ARHGAP10: variants seen among roughly 807,000 people sequenced by gnomAD.
ARHGAP10 encodes rho GTPase-activating protein 10.
In ARHGAP10, 87 loss-of-function variants were observed where a neutral mutation model predicts 108.6. That is an observed-to-expected ratio of 0.80 (90% CI 0.67 to 0.96). ARHGAP10 has a LOEUF of 0.96. Among genes scored for constraint, ARHGAP10 ranks in the 40% least tolerant of loss-of-function variants. The pLI, the probability that ARHGAP10 is intolerant of heterozygous loss-of-function variation, is 0.00. For synonymous variants in ARHGAP10, 347 were observed against 341.1 expected (o/e 1.02, Z -0.19); for missense variants, 939 against 954.5 (o/e 0.98, Z 0.21).
rs1019739605 is a variant in ARHGAP10, at chr4:147,989,535, G to A, written c.1716+22696G>A. 4.6e-5 allele frequency among the ~76,000 whole-genome samples: 7 copies of A among 152,128 alleles called. No individual in the cohort carries two copies. The South Asian group carries it at 6.2e-4, about 14-fold the overall frequency. ...AGTTCAGAGACCTACCCCTAGGTGCGCATTCCCTTTCTCAGGGACGTTCCA... is the reference window on the plus strand; with the variant it reads ...AGTTCAGAGACCTACCCCTAGGTGCACATTCCCTTTCTCAGGGACGTTCCA... On this transcript the variant is annotated intron_variant, in intron 18 of 22. Transcript: ENST00000336498.
At chr4:147,963,640 G>A (rs1295821815) in intron 16 of ARHGAP10, among the ~76,000 whole-genome samples, 1 of 152,220 alleles carries the variant, frequency 6.6e-6, no homozygotes, top group African/African-American at 2.4e-5. Context: ...TTGGAACAAA[G>A]TACTTACTAC....
chr4:147,816,073 A>G (rs1415452769), intron 1 of ARHGAP10, among the ~76,000 whole-genome samples: 1 of 152,172 alleles, frequency 6.6e-6, no homozygotes, highest in Non-Finnish European at 1.5e-5. Flanking sequence ...AAACAGAGGA[A>G]TCTGTGGCCA....
chr4:147,964,868 C>T (rs1739145894), intron 16 of ARHGAP10, among the ~76,000 whole-genome samples, 156 bp from the exon 17 acceptor site: 1 of 152,006 alleles, frequency 6.6e-6, no homozygotes, highest in Admixed American at 6.5e-5. Flanking sequence ...TTCCTTTTAA[C>T]GGTGGCAAAA....
intron 15 of ARHGAP10, among the ~76,000 whole-genome samples, chr4:147,951,815 T>G (rs769671463): frequency 6.6e-6 from 1 of 152,106 alleles, no homozygotes; most frequent in Non-Finnish European, 1.5e-5. Flanking sequence ...ATAAGCTGCA[T>G]ATATTTATAG....
intron 18 of ARHGAP10, among the ~76,000 whole-genome samples, chr4:148,010,029 T>A (rs1286107063): frequency 6.6e-6 from 1 of 152,230 alleles, no homozygotes; most frequent in Non-Finnish European, 1.5e-5. Context: ...AGTTAACTAA[T>A]CAAAACTTAA....
At chr4:147,798,765 CTCTCTCTCTCTCTCTCTATATA>C (rs1444174004) in intron 1 of ARHGAP10, among the ~76,000 whole-genome samples, 12 of 8,806 alleles carry the variant, frequency 1.4e-3, no homozygotes, top group East Asian at 0.011. Flanking sequence ...CTCTCTCTCT[CTCTCTCTCTCTCTCTCTATATA>C]TATATATATA....
intron 20 of ARHGAP10, among the ~76,000 whole-genome samples, chr4:148,047,663 G>A (rs1468566476): frequency 2.0e-5 from 3 of 152,190 alleles, no homozygotes; most frequent in Non-Finnish European, 4.4e-5. Flanking sequence ...CAAGGCTGTG[G>A]AGTAAAGGCA....
intron 1 of ARHGAP10, among the ~76,000 whole-genome samples, chr4:147,740,738 T>C (rs1344845682): frequency 6.6e-6 from 1 of 152,244 alleles, no homozygotes; most frequent in Non-Finnish European, 1.5e-5. Context: ...AGAGTAACTT[T>C]TAACTTATTC....
chr4:148,059,993 A>AGG (rs35032347), intron 20 of ARHGAP10, among the ~76,000 whole-genome samples: 5 of 140,086 alleles, frequency 3.6e-5, no homozygotes, highest in Middle Eastern at 3.3e-3. Context: ...AGAGAGAGAG[A>AGG]GGGGAGAGAG....
At chr4:148,042,134 A>G (rs1340462897) in intron 19 of ARHGAP10, among the ~76,000 whole-genome samples, 1 of 152,084 alleles carries the variant, frequency 6.6e-6, no homozygotes, top group Non-Finnish European at 1.5e-5. Context: ...CTCACCCAGT[A>G]TGCTCCTTGT....
chr4:147,823,853 A>G (rs1001952832), intron 3 of ARHGAP10, among the ~76,000 whole-genome samples: 1 of 152,170 alleles, frequency 6.6e-6, no homozygotes, highest in Non-Finnish European at 1.5e-5. Flanking sequence ...TGAGTGTATG[A>G]TCTCATTTGC....
At chr4:147,798,149 T>TC (rs1731393331) in intron 1 of ARHGAP10, among the ~76,000 whole-genome samples, 1 of 150,926 alleles carries the variant, frequency 6.6e-6, no homozygotes, top group Non-Finnish European at 1.5e-5. Flanking sequence ...TTTTTTTTTT[T>TC]CGTAAGGGAT....
chr4:147,949,619 T>C (rs1738520652), intron 15 of ARHGAP10, among the ~76,000 whole-genome samples: 1 of 149,856 alleles, frequency 6.7e-6, no homozygotes, highest in Admixed American at 6.7e-5. Flanking sequence ...GAAAGCTGTG[T>C]TAGACACATG....
intron 21 of ARHGAP10, among the ~76,000 whole-genome samples, chr4:148,063,818 T>C (rs1300700320): frequency 1.3e-5 from 2 of 152,188 alleles, no homozygotes; most frequent in African/African-American, 4.8e-5. Context: ...GCTAAAAGCA[T>C]GGTTTCCGTC....
intron 18 of ARHGAP10, among the ~76,000 whole-genome samples, chr4:147,971,346 G>A (rs1739398678): frequency 6.6e-6 from 1 of 152,084 alleles, no homozygotes; most frequent in African/African-American, 2.4e-5. Context: ...CATGGTGTGA[G>A]ATTTGGGGGA....
chr4:147,812,059 G>A (rs1732047568), intron 1 of ARHGAP10, among the ~76,000 whole-genome samples: 1 of 152,116 alleles, frequency 6.6e-6, no homozygotes, highest in African/African-American at 2.4e-5. Flanking sequence ...AATGTTTTTC[G>A]ACTGTTCTCT....
At chr4:147,922,672 A>T (rs1737296341) in intron 13 of ARHGAP10, among the ~76,000 whole-genome samples, 1 of 132,098 alleles carries the variant, frequency 7.6e-6, no homozygotes, top group Non-Finnish European at 1.6e-5. Context: ...TGGGCGACAG[A>T]GCGAGACTCC....
rs562056243 is a variant in ARHGAP10, at chr4:148,064,449, G to T, written c.2214G>T (p.Pro738=). 3 of 1,614,036 alleles carry T rather than the reference G, an allele frequency of 1.9e-6. No homozygotes were observed. Among genetic ancestry groups the T allele is most frequent in the African/African-American group, 2.7e-5 (2 of 74,906 alleles). ...GTCGGAAGGCTCGAGCCGTGTATCC[G>T]TGTGAAGCAGAACACAGCTCGGAAT... The part of the protein sequence containing the change: ...IRSRKARAVY[P]CEAEHSSELS... The change falls in exon 22 of 23, where the codon CCG becomes CCT. Residue 738 remains proline (P), a synonymous_variant. Transcript: ENST00000336498.
rs1408059941 is a variant in ARHGAP10, at chr4:147,738,316, C to A, written c.154+5861C>A. Among the ~76,000 whole-genome samples the A allele has an allele frequency of 5.3e-5, 8 of 152,246 alleles. No homozygotes were observed. In the Middle Eastern group the frequency reaches 0.01, roughly 194 times the overall value. On this transcript the variant is annotated intron_variant, in intron 1 of 22. Coordinates refer to ENST00000336498, the MANE Select transcript of ARHGAP10 (RefSeq NM_024605.4). ...GCTATAATCCCAGCACTTTGGGAGG[C>A]CGAGGCGGGCGGATCACGAGGTCAG...
Sources: allele counts gnomAD v4.1 joint callset (sites outside exome capture counted in the v4.1 genomes callset), GRCh38; gene constraint gnomAD v4.1.1; transcripts MANE v1.5; gene names NCBI Gene and HGNC (gene_info 2026-07-23, HGNC 2026-07-21).